The following EHMT1 variants were observed in gnomAD, a reference collection of about 807,000 sequenced individuals.
EHMT1 encodes the protein histone-lysine N-methyltransferase EHMT1.
Under a neutral mutation model 147.2 loss-of-function variants are expected in EHMT1, and 15 were observed. The ratio of observed to expected loss-of-function variants is 0.10; its 90% CI spans 0.07 to 0.16. The LOEUF is 0.16. EHMT1 is among the 10% of genes least tolerant of loss of function. The pLI is 1.00. For synonymous variants in EHMT1, 795 were observed against 709.6 expected (o/e 1.12, Z -1.91); for missense variants, 1,587 against 1,772.4 (o/e 0.90, Z 1.88).
rs537520469 is a variant in EHMT1 at position 137,721,575 on chromosome 9, C to T, written c.642+4393C>T. On this transcript the variant is annotated intron_variant, in intron 3 of 26. Coordinates refer to ENST00000460843, the MANE Select transcript of EHMT1 (RefSeq NM_024757.5). ...CCTTCTCCCACGCCTCTCATCCTCTCCCTCTCCCACGCCTCTCACCGTCAC... is the reference window on the plus strand; with the variant it reads ...CCTTCTCCCACGCCTCTCATCCTCTTCCTCTCCCACGCCTCTCACCGTCAC... 4.3e-5 allele frequency among the ~76,000 whole-genome samples: 6 copies of T among 138,530 alleles called. No individual in the cohort carries two copies. In the Admixed American group the frequency reaches 4.3e-4, roughly 10 times the overall value. The allele number at this position is 138,530 out of a possible 152,430, so 90.9% of individuals were successfully genotyped here.
At chr9:137,768,056 C>T (rs544521515) in intron 10 of EHMT1, among the ~76,000 whole-genome samples, 4 of 152,118 alleles carry the variant, frequency 2.6e-5, no homozygotes, top group African/African-American at 7.2e-5. Flanking sequence ...ACTTTGTAGC[C>T]GAGGAGCAAC....
chr9:137,704,781 C>T (rs1487914299), intron 1 of EHMT1, among the ~76,000 whole-genome samples: 5 of 150,750 alleles, frequency 3.3e-5, no homozygotes, highest in East Asian at 2.0e-4. Flanking sequence ...CCCTCCCTCC[C>T]GCCTGCCTTC....
At chr9:137,779,876 G>T (rs879081293) in intron 14 of EHMT1, among the ~76,000 whole-genome samples, 159 bp downstream of exon 14, 1 of 152,224 alleles carries the variant, frequency 6.6e-6, no homozygotes, top group Admixed American at 6.5e-5. Flanking sequence ...GTTGCCCACT[G>T]GTGTTGAGGC....
intron 1 of EHMT1, among the ~76,000 whole-genome samples, chr9:137,663,799 C>T (rs1402849012): frequency 6.6e-6 from 1 of 152,106 alleles, no homozygotes; most frequent in Non-Finnish European, 1.5e-5. Flanking sequence ...CTTCTGTGGG[C>T]GGGACTCAGA....
chr9:137,725,130 A>G (rs919377464), intron 3 of EHMT1, among the ~76,000 whole-genome samples: 1 of 145,212 alleles, frequency 6.9e-6, no homozygotes, highest in African/African-American at 2.6e-5. Context: ...TTCATGGGGC[A>G]TTCTTGTGGC....
At chr9:137,788,346 G>T (rs113904705) in intron 15 of EHMT1, 3 of 361,130 alleles carry the variant, frequency 8.3e-6, no homozygotes, top group Non-Finnish European at 1.5e-5. Context: ...GTTGGCGAAG[G>T]CTCCACCCGC....
At chr9:137,648,513 T>C (rs1257979055) in intron 1 of EHMT1, among the ~76,000 whole-genome samples, 5 of 127,054 alleles carry the variant, frequency 3.9e-5, no homozygotes, top group African/African-American at 1.7e-4. Flanking sequence ...AAAAAAATAG[T>C]TGGGCATGGT....
chr9:137,775,197 G>A lies in EHMT1; in HGVS notation c.1736G>A (p.Arg579Gln), dbSNP rs768033708. 9 of 1,613,414 alleles carry A rather than the reference G, an allele frequency of 5.6e-6. No homozygotes were observed. Among genetic ancestry groups the A allele is most frequent in the East Asian group, 4.5e-5 (2 of 44,868 alleles). Reference protein sequence around the residue: ...APLLVLCEDHRGRMVKHQCCP... With the variant: ...APLLVLCEDHQGRMVKHQCCP... ...CTCCTCGTGCTGTGTGAAGACCACC[G>A]GGGCCGCATGGTGAAGCACCAGTGC... Residue 579 changes from arginine to glutamine, a missense_variant, in exon 11 of 27, where the codon CGG becomes CAG. Arg to Gln is a conservative substitution (Grantham distance 43). Around this residue, in one of 7 missense-constraint regions of EHMT1, gnomAD observed 124 missense variants for 197.8 expected, o/e 0.63. Coordinates refer to ENST00000460843, the MANE Select transcript of EHMT1 (RefSeq NM_024757.5). The surrounding 1 kb of genome is among the most constrained non-coding windows in gnomAD (Gnocchi z 6.1).
intron 9 of EHMT1, among the ~76,000 whole-genome samples, chr9:137,762,325 G>A (rs924204636): frequency 1.3e-5 from 2 of 151,866 alleles, no homozygotes; most frequent in African/African-American, 2.4e-5. Context: ...AAAGGGCAGT[G>A]AATGCTCTTT....
intron 1 of EHMT1, among the ~76,000 whole-genome samples, chr9:137,634,060 G>A (rs1303478835): frequency 6.6e-6 from 1 of 152,126 alleles, no homozygotes; most frequent in Non-Finnish European, 1.5e-5. Context: ...TGATCCACCT[G>A]CCTCGGCCTC....
At chr9:137,709,201 G>A (rs910291012) in intron 1 of EHMT1, among the ~76,000 whole-genome samples, 1 of 152,238 alleles carries the variant, frequency 6.6e-6, no homozygotes, top group Admixed American at 6.5e-5. Flanking sequence ...CTGGACTCCT[G>A]GAAGGATTGC....
At position 137,680,230 on chromosome 9, in the gene EHMT1, C is replaced by G. The variant is rs139748939; in HGVS notation, c.22-30737C>G. On this transcript the variant is annotated intron_variant, in intron 1 of 26. Coordinates refer to ENST00000460843, the MANE Select transcript of EHMT1 (RefSeq NM_024757.5). Reference sequence around the variant, plus strand: ...GGCTCACACCCATAATCCCAGCACTCTGGGAGGCCGAGGCGAGTGGATCAC... The same window carrying G: ...GGCTCACACCCATAATCCCAGCACTGTGGGAGGCCGAGGCGAGTGGATCAC... Among the ~76,000 whole-genome samples the G allele has an allele frequency of 5.0e-3, 760 of 152,188 alleles. 2 individuals carry two copies. Among genetic ancestry groups the G allele is most frequent in the Non-Finnish European group, 8.9e-3 (605 of 68,000 alleles).
chr9:137,642,788 CAA>C (rs1249730796), intron 1 of EHMT1, among the ~76,000 whole-genome samples: 1 of 152,202 alleles, frequency 6.6e-6, no homozygotes, highest in African/African-American at 2.4e-5. Flanking sequence ...GGAGAAAAAA[CAA>C]ATTATAAATT....
In EHMT1 at chr9:137,717,012, G is replaced by A. The variant is rs750935706; in HGVS notation, c.472G>A (p.Gly158Arg). 3.1e-6 allele frequency: 5 copies of A among 1,607,234 alleles called. No homozygotes were observed. Among genetic ancestry groups the A allele is most frequent in the East Asian group, 4.5e-5 (2 of 44,758 alleles). The change falls in exon 3 of 27, where the codon GGG (glycine) becomes AGG (arginine). Residue 158 changes from glycine (G) to arginine (R), a missense_variant. Around this residue, in one of 7 missense-constraint regions of EHMT1, gnomAD observed 810 missense variants for 673.0 expected, o/e 1.20. Coordinates refer to ENST00000460843, the MANE Select transcript of EHMT1 (RefSeq NM_024757.5). ...CCATGCTGCAAAAACCCTTCCTGGA[G>A]GGGCTGGCAAAGGCAGGACTCCAAG... The part of the protein sequence containing the change: ...PGHAAKTLPG[G>R]AGKGRTPSAF...
In EHMT1 at chr9:137,632,800, G is replaced by A. The variant is rs559536099; in HGVS notation, c.21+13751G>A. 3.3e-5 allele frequency among the ~76,000 whole-genome samples: 5 copies of A among 152,294 alleles called. No individual in the cohort carries two copies. In the East Asian group the frequency reaches 9.6e-4, roughly 29 times the overall value. ...GACTGTTCCTTTGATCATATTCCTG[G>A]GTATAGCATCACACGGGGCAGGTTG... On this transcript the variant is annotated intron_variant, in intron 1 of 26. Coordinates refer to ENST00000460843, the MANE Select transcript of EHMT1 (RefSeq NM_024757.5).
chr9:137,809,411 G>A (rs1305438219), intron 18 of EHMT1, among the ~76,000 whole-genome samples: 1 of 152,206 alleles, frequency 6.6e-6, no homozygotes, highest in Non-Finnish European at 1.5e-5. Flanking sequence ...ATGTGGCGGC[G>A]GCCCTGCGCC....
chr9:137,671,666 A>G (rs545494995), intron 1 of EHMT1, among the ~76,000 whole-genome samples: 1 of 152,012 alleles, frequency 6.6e-6, no homozygotes, highest in African/African-American at 2.4e-5. Context: ...CTTGGACTAC[A>G]GGCGTGTGCC....
At chr9:137,754,459 G>A (rs1949221944) in intron 8 of EHMT1, among the ~76,000 whole-genome samples, 168 bp downstream of exon 8, 1 of 152,200 alleles carries the variant, frequency 6.6e-6, no homozygotes, top group Non-Finnish European at 1.5e-5. Context: ...TGATTCTAAA[G>A]TAGTTTCCTT....
At chr9:137,756,724 A>T (rs948362093) in intron 8 of EHMT1, among the ~76,000 whole-genome samples, 1 of 152,256 alleles carries the variant, frequency 6.6e-6, no homozygotes, top group African/African-American at 2.4e-5. Context: ...CATCTTTGTC[A>T]TCTTGGCTGT....
Sources: gnomAD v4.1 joint callset for allele counts (sites outside exome capture counted in the v4.1 genomes callset) on GRCh38, gnomAD v4.1.1 for gene constraint, gnomAD v4.1.1 regional missense constraint, Gnocchi (gnomAD v3.1) non-coding constraint, MANE v1.5 for transcripts, NCBI Gene and HGNC (gene_info 2026-07-23, HGNC 2026-07-21) for gene names.